MAGI1: variants seen among roughly 807,000 people sequenced by gnomAD.
MAGI1 encodes membrane-associated guanylate kinase, WW and PDZ domain-containing protein 1.
A neutral mutation model predicts 139.9 loss-of-function variants in MAGI1; 58 were observed. That is an observed-to-expected ratio of 0.41 (90% confidence interval 0.34 to 0.52). The LOEUF is 0.52. MAGI1 is among the 20% of genes least tolerant of loss of function. The pLI is 0.12. For synonymous variants in MAGI1, 812 were observed against 737.9 expected (o/e 1.10, Z -1.63); for missense variants, 1,874 against 1,901.6 (o/e 0.99, Z 0.27).
chr3:65,819,425 C>A (rs1266467884), intron 1 of MAGI1, among the ~76,000 whole-genome samples: 2 of 152,126 alleles, frequency 1.3e-5, no homozygotes, highest in African/African-American at 4.8e-5. Context: ...TTCCCTCCAC[C>A]CTCACATTGG....
At chr3:65,458,878 A>G (rs1027886319) in intron 5 of MAGI1, among the ~76,000 whole-genome samples, 1 of 152,026 alleles carries the variant, frequency 6.6e-6, no homozygotes, top group Non-Finnish European at 1.5e-5. Context: ...ATCTTTGCCC[A>G]CTCTCATGTC....
At chr3:66,032,153 CT>C (rs1352941716) in intron 1 of MAGI1, among the ~76,000 whole-genome samples, 1 of 152,118 alleles carries the variant, frequency 6.6e-6, no homozygotes, top group Non-Finnish European at 1.5e-5. Flanking sequence ...TTGCACTTAC[CT>C]TCCGAAACAA....
chr3:65,746,126 C>A (rs1173589466), intron 1 of MAGI1, among the ~76,000 whole-genome samples: 1 of 152,168 alleles, frequency 6.6e-6, no homozygotes, highest in Non-Finnish European at 1.5e-5. Flanking sequence ...ACCTCTGCCT[C>A]CCAGGTTCAA....
At chr3:65,977,818 C>T (rs951584225) in intron 1 of MAGI1, among the ~76,000 whole-genome samples, 3 of 152,138 alleles carry the variant, frequency 2.0e-5, no homozygotes, top group African/African-American at 7.2e-5. Context: ...CATTCATCTG[C>T]TAGTTCTTCC....
rs558270441 is a variant in MAGI1 at position 65,849,001 on chromosome 3, C to CTTTTTTTTTTTTTTTT, written c.313+188979_313+188994dup. On this transcript the variant is annotated intron_variant, in intron 1 of 22. Transcript: ENST00000402939. The stretch of plus-strand genomic sequence containing the variant: ...GCAGCTCAAGACTATTCAGAGCATT[C>CTTTTTTTTTTTTTTTT]TTTTTTTTTTTTTTTTTTTTTTTTT... 1.5e-4 allele frequency among the ~76,000 whole-genome samples: 6 copies of CTTTTTTTTTTTTTTTT among 39,644 alleles called. 1 individual carries two copies. Among genetic ancestry groups the CTTTTTTTTTTTTTTTT allele is most frequent in the Non-Finnish European group, 2.3e-4 (5 of 21,510 alleles). 26.0% of individuals were successfully genotyped at this position (39,644 alleles called of 152,430 possible). A position where few individuals can be genotyped will look rare whatever the true frequency, so the allele number is the denominator to read the frequency against.
At chr3:65,514,869 T>C (rs982361323) in intron 2 of MAGI1, among the ~76,000 whole-genome samples, 17 of 147,736 alleles carry the variant, frequency 1.2e-4, no homozygotes, top group Non-Finnish European at 2.4e-4. Flanking sequence ...CGTATGTTTA[T>C]TGCGGCATTA....
At chr3:65,883,369 A>G (rs2060410756) in intron 1 of MAGI1, among the ~76,000 whole-genome samples, 1 of 152,244 alleles carries the variant, frequency 6.6e-6, no homozygotes, top group Non-Finnish European at 1.5e-5. Flanking sequence ...AAGTAAAATC[A>G]AATAATTCTG....
At chr3:66,019,469 A>AT (rs2067848649) in intron 1 of MAGI1, among the ~76,000 whole-genome samples, 1 of 152,224 alleles carries the variant, frequency 6.6e-6, no homozygotes, top group Non-Finnish European at 1.5e-5. Flanking sequence ...CTTGAATACT[A>AT]TTTAACAGCA....
At chr3:65,656,411 TAA>T (rs2085878123) in intron 1 of MAGI1, among the ~76,000 whole-genome samples, 1 of 152,116 alleles carries the variant, frequency 6.6e-6, no homozygotes, top group South Asian at 2.1e-4. Context: ...TGTCTCAGAT[TAA>T]AAGAGAACCA....
At position 65,633,754 on chromosome 3, in the gene MAGI1, G is replaced by C. The variant is rs542230665; in HGVS notation, c.314-11666C>G. ...ATCTGTTCAGAAAAAAAATAACAAA[G>C]GATTTATATACAGAAAGCAGAAAGA... On this transcript the variant is annotated intron_variant, in intron 1 of 22. Coordinates refer to ENST00000402939, the MANE Select transcript of MAGI1 (RefSeq NM_001033057.2). Among the ~76,000 whole-genome samples, 6 of 152,136 alleles carry C rather than the reference G, an allele frequency of 3.9e-5. No individual in the cohort carries two copies. In the East Asian group the frequency reaches 1.2e-3, roughly 29 times the overall value.
intron 1 of MAGI1, among the ~76,000 whole-genome samples, chr3:65,829,062 T>A (rs1227945412): frequency 6.6e-6 from 1 of 152,212 alleles, no homozygotes; most frequent in Non-Finnish European, 1.5e-5. Context: ...CCAGAACTTT[T>A]AAAAAGGAAC....
chr3:65,830,430 A>G (rs548760061), intron 1 of MAGI1, among the ~76,000 whole-genome samples: 1 of 152,336 alleles, frequency 6.6e-6, no homozygotes, highest in East Asian at 1.9e-4. Flanking sequence ...ATCACCAACC[A>G]ACCAATGATT....
chr3:65,540,936 C>T (rs1270259376), intron 2 of MAGI1, among the ~76,000 whole-genome samples: 1 of 152,154 alleles, frequency 6.6e-6, no homozygotes, highest in East Asian at 1.9e-4. Context: ...GTGCAGCAAG[C>T]CCCAGGGCCC....
At chr3:65,913,295 C>A (rs2061750304) in intron 1 of MAGI1, among the ~76,000 whole-genome samples, 1 of 152,114 alleles carries the variant, frequency 6.6e-6, no homozygotes, top group African/African-American at 2.4e-5. Context: ...ATAAACACTT[C>A]CAAGCCATGA....
intron 1 of MAGI1, among the ~76,000 whole-genome samples, chr3:65,629,702 C>A (rs778919766): frequency 2.6e-5 from 4 of 152,192 alleles, no homozygotes; most frequent in Admixed American, 2.6e-4. Flanking sequence ...TTTAAGTGAG[C>A]TTTATCTGAA....
At chr3:65,899,563 T>C (rs1244846755) in intron 1 of MAGI1, among the ~76,000 whole-genome samples, 1 of 152,126 alleles carries the variant, frequency 6.6e-6, no homozygotes, top group East Asian at 1.9e-4. Flanking sequence ...GTGACATAAC[T>C]GGGATAAAAA....
chr3:65,494,617 T>C (rs763444626), intron 2 of MAGI1, among the ~76,000 whole-genome samples: 23 of 152,234 alleles, frequency 1.5e-4, no homozygotes, highest in Admixed American at 3.9e-4. Flanking sequence ...TTACCTGCGG[T>C]GGTGATTTAA....
chr3:65,475,278 G>C (rs1024545420), intron 4 of MAGI1, among the ~76,000 whole-genome samples: 1 of 152,044 alleles, frequency 6.6e-6, no homozygotes, highest in Non-Finnish European at 1.5e-5. Flanking sequence ...CAATGGTGCA[G>C]CCTCGGCTCA....
At chr3:65,937,006 T>TGATGGTGGTGGTGGTGGTGATGG (rs2063096711) in intron 1 of MAGI1, among the ~76,000 whole-genome samples, 1 of 151,730 alleles carries the variant, frequency 6.6e-6, no homozygotes, top group African/African-American at 2.4e-5. Flanking sequence ...GTGGTGGTGG[T>TGATGGTGGTGGTGGTGGTGATGG]TGTTTTAATC....
Sources: allele counts gnomAD v4.1 joint callset (sites outside exome capture counted in the v4.1 genomes callset), GRCh38; gene constraint gnomAD v4.1.1; transcripts MANE v1.5; gene names NCBI Gene and HGNC (gene_info 2026-07-23, HGNC 2026-07-21).